Variants in EFHC2 observed in about 807,000 individuals in gnomAD.
EFHC2 encodes the protein EF-hand domain containing 2.
EFHC2 carries 18 observed loss-of-function variants against 52.7 expected under a neutral mutation model. That is an observed-to-expected ratio of 0.34 (90% confidence interval 0.24 to 0.51). The LOEUF is 0.51. Ranked by LOEUF, EFHC2 falls within the 20% of genes least tolerant of loss-of-function variation. The probability of loss-of-function intolerance (pLI) is 0.97; values close to 1 mark genes in which losing one functional copy is unlikely to be tolerated. For missense variants in EFHC2, 513 were observed against 562.5 expected (o/e 0.91, Z 0.89); for synonymous variants, 203 against 204.1 (o/e 0.99, Z 0.04).
intron 2 of EFHC2, among the ~76,000 whole-genome samples, chrX:44,293,540 TTTGC>T (rs1275686111): frequency 9.4e-6 from 1 of 106,923 alleles, no homozygotes; most frequent in Admixed American, 9.5e-5. Context: ...TTGCCATTTC[TTTGC>T]TTGTTTCATA....
intron 11 of EFHC2, among the ~76,000 whole-genome samples, chrX:44,194,918 G>A (rs1286834194): frequency 8.9e-6 from 1 of 111,734 alleles, no homozygotes; most frequent in African/African-American, 3.3e-5. Context: ...TCATGCCCAA[G>A]CCTCCTGCAG....
In EFHC2 at chrX:44,340,528, G is replaced by A. The variant is rs1018634102; in HGVS notation, c.42+3019C>T. The stretch of plus-strand genomic sequence containing the variant: ...AAAAAAATTAGCCAGGCATGATGGC[G>A]CATGCCTGTAATTCCAGCTACTCGG... On this transcript the variant is annotated intron_variant, in intron 1 of 14. Coordinates refer to ENST00000420999, the MANE Select transcript of EFHC2 (RefSeq NM_025184.4). 5.4e-5 allele frequency among the ~76,000 whole-genome samples: 6 copies of A among 110,782 alleles called. No individual in the cohort carries two copies. The East Asian group carries it at 8.6e-4, about 16-fold the overall frequency.
rs1204380376 is a variant in EFHC2 at position 44,148,631 on chromosome X, G to C, written c.*164C>G. ...CAGTACGTCGGCAATGTAACATGATGTTCTGTAAAACTAACATGACAAAAT... is the reference window on the plus strand; with the variant it reads ...CAGTACGTCGGCAATGTAACATGATCTTCTGTAAAACTAACATGACAAAAT... On this transcript the variant is annotated 3_prime_UTR_variant, in exon 15 of 15. Transcript: ENST00000420999. 3.6e-5 allele frequency: 16 copies of C among 443,447 alleles called. No homozygotes were observed. The East Asian group carries it at 5.9e-4, about 16-fold the overall frequency. 36.5% of individuals were successfully genotyped at this position (443,447 alleles called of 1,213,427 possible).
chrX:44,320,564 G>A (rs147505584), intron 1 of EFHC2, among the ~76,000 whole-genome samples: 68 of 111,385 alleles, frequency 6.1e-4, no homozygotes, highest in African/African-American at 2.1e-3. Context: ...TCTCCTTGCA[G>A]TACTGGCTTA....
intron 14 of EFHC2, among the ~76,000 whole-genome samples, chrX:44,162,239 A>G (rs769027629): frequency 6.9e-4 from 77 of 111,738 alleles, no homozygotes; most frequent in African/African-American, 2.3e-3. Flanking sequence ...CCTGGCCAAC[A>G]TGGTGAAACC....
chrX:44,181,910 C>A (rs1164305629), intron 11 of EFHC2, among the ~76,000 whole-genome samples: 1 of 112,811 alleles, frequency 8.9e-6, no homozygotes, highest in Admixed American at 9.4e-5. Flanking sequence ...AATTAAAAAT[C>A]AAAAGTCACA....
At chrX:44,232,388 T>C in intron 10 of EFHC2, 93 bp downstream of exon 10, 1 of 669,743 alleles carries the variant, frequency 1.5e-6, no homozygotes, top group Admixed American at 4.7e-5. Flanking sequence ...GTACAACTGG[T>C]GGCAAGATGA....
chrX:44,213,853 C>T, intron 11 of EFHC2, among the ~76,000 whole-genome samples: 1 of 111,941 alleles, frequency 8.9e-6, no homozygotes, highest in Admixed American at 9.5e-5. Flanking sequence ...CAAGTTAGTC[C>T]CTCAGGGATA....
At chrX:44,205,386 T>C (rs1159858676) in intron 11 of EFHC2, among the ~76,000 whole-genome samples, 7 of 106,530 alleles carry the variant, frequency 6.6e-5, no homozygotes, top group Non-Finnish European at 1.4e-4. Flanking sequence ...TAACGCTCCA[T>C]ATAGAAGACA....
chrX:44,188,428 G>A (rs1405343775), intron 11 of EFHC2, among the ~76,000 whole-genome samples: 1 of 111,493 alleles, frequency 9.0e-6, no homozygotes, highest in Non-Finnish European at 1.9e-5. Context: ...CACATCCCTT[G>A]TCCATGAATC....
intron 3 of EFHC2, among the ~76,000 whole-genome samples, chrX:44,262,517 A>C (rs1365273024): frequency 9.8e-6 from 1 of 101,684 alleles, no homozygotes; most frequent in African/African-American, 3.7e-5. Flanking sequence ...TGTCTCAAAA[A>C]AAAAAAAAAA....
At chrX:44,257,098 C>G (rs374039225) in intron 4 of EFHC2, among the ~76,000 whole-genome samples, 2 of 111,038 alleles carry the variant, frequency 1.8e-5, no homozygotes, top group Non-Finnish European at 3.8e-5. Context: ...AAATTCAACA[C>G]CCCTTCATGC....
chrX:44,309,610 C>T (rs1176096091), intron 2 of EFHC2: 2 of 1,157,417 alleles, frequency 1.7e-6, no homozygotes, highest in Admixed American at 2.2e-5. Flanking sequence ...AATTATTTCT[C>T]TCACTTTCTC....
rs138183352 is a variant in EFHC2 at position 44,319,619 on chromosome X, T to G, written c.43-6863A>C. Among the ~76,000 whole-genome samples, 1,103 of 112,731 alleles carry G rather than the reference T, an allele frequency of 9.8e-3. 8 individuals are homozygous for G. The highest frequency in any genetic ancestry group is 0.013 in the Non-Finnish European group (673 of 53,347). ...GAAAGCAGGCCTCAGGCTCCTAACT[T>G]TTTGTAGGCATCAAATCTAAAAACA... On this transcript the variant is annotated intron_variant, in intron 1 of 14. Coordinates refer to ENST00000420999, the MANE Select transcript of EFHC2 (RefSeq NM_025184.4).
At chrX:44,288,112 T>C (rs773130941) in intron 2 of EFHC2, among the ~76,000 whole-genome samples, 32 of 111,575 alleles carry the variant, frequency 2.9e-4, no homozygotes, top group African/African-American at 1.0e-3. Context: ...AAAATTGATT[T>C]TTTAAAAATC....
At chrX:44,245,514 C>T (rs903051843) in intron 7 of EFHC2, among the ~76,000 whole-genome samples, 9 of 111,991 alleles carry the variant, frequency 8.0e-5, no homozygotes, top group African/African-American at 2.9e-4. Flanking sequence ...TCTGCCGGAC[C>T]GTGTTCATTC....
intron 2 of EFHC2, among the ~76,000 whole-genome samples, chrX:44,297,402 A>T (rs1367166828): frequency 1.8e-5 from 2 of 109,916 alleles, no homozygotes; most frequent in Non-Finnish European, 3.8e-5. Context: ...CCTAGGGGAA[A>T]GGGGAAGGGG....
chrX:44,318,112 G>C (rs190847206), intron 1 of EFHC2, among the ~76,000 whole-genome samples: 1 of 112,291 alleles, frequency 8.9e-6, no homozygotes, highest in East Asian at 2.8e-4. Flanking sequence ...ATAGCCAAAA[G>C]GTGGAAACAT....
intron 11 of EFHC2, among the ~76,000 whole-genome samples, chrX:44,211,829 G>A (rs1354968375): frequency 1.1e-5 from 1 of 87,832 alleles, no homozygotes; most frequent in Non-Finnish European, 2.2e-5. Flanking sequence ...CCGAGATCAC[G>A]CCACTCCAGC....
Sources: allele counts gnomAD v4.1 joint callset (sites outside exome capture counted in the v4.1 genomes callset), GRCh38; gene constraint gnomAD v4.1.1; transcripts MANE v1.5; gene names NCBI Gene and HGNC (gene_info 2026-07-23, HGNC 2026-07-21).